Variants in MAN2A1 observed in about 807,000 individuals in gnomAD.
MAN2A1 encodes mannosidase alpha class 2A member 1, also known as alpha-mannosidase 2.
MAN2A1 carries 76 observed loss-of-function variants against 142.6 expected under a neutral mutation model. That is an observed-to-expected ratio of 0.53 (90% confidence interval 0.44 to 0.65). The LOEUF (loss-of-function observed/expected upper bound fraction) is 0.65. Ranked by LOEUF, MAN2A1 falls within the 30% of genes least tolerant of loss-of-function variation. The probability of loss-of-function intolerance (pLI) is 0.00; values close to 1 mark genes in which losing one functional copy is unlikely to be tolerated. For missense variants in MAN2A1, 1,311 were observed against 1,365.1 expected (o/e 0.96, Z 0.62); for synonymous variants, 559 against 473.2 (o/e 1.18, Z -2.35).
At chr5:109,820,703 G>T (rs1754600693) in intron 15 of MAN2A1, among the ~76,000 whole-genome samples, 1 of 152,176 alleles carries the variant, frequency 6.6e-6, no homozygotes, top group Non-Finnish European at 1.5e-5. Context: ...TACTCAGGAA[G>T]GCTGAGGTGG....
At chr5:109,803,654 A>G (rs1441427933) in intron 12 of MAN2A1, among the ~76,000 whole-genome samples, 1 of 152,102 alleles carries the variant, frequency 6.6e-6, no homozygotes, top group Non-Finnish European at 1.5e-5. Flanking sequence ...ATAAAGGATT[A>G]TAATAATTTC....
chr5:109,820,815 T>C (rs1323114225), intron 15 of MAN2A1, among the ~76,000 whole-genome samples: 1 of 152,120 alleles, frequency 6.6e-6, no homozygotes, highest in Non-Finnish European at 1.5e-5. Flanking sequence ...TAAATAGTTT[T>C]TTAGAGTTGG....
chr5:109,803,193 T>C (rs1434814854), intron 12 of MAN2A1, among the ~76,000 whole-genome samples: 1 of 152,074 alleles, frequency 6.6e-6, no homozygotes, highest in Non-Finnish European at 1.5e-5. Context: ...AAAATTCTTT[T>C]AGATTTTATT....
At chr5:109,785,153 T>A (rs141020027) in intron 10 of MAN2A1, among the ~76,000 whole-genome samples, 6 of 152,028 alleles carry the variant, frequency 3.9e-5, no homozygotes, top group Non-Finnish European at 8.8e-5. Flanking sequence ...GCAAATAGGG[T>A]AGTAAAATAT....
intron 5 of MAN2A1, among the ~76,000 whole-genome samples, chr5:109,766,343 A>G (rs1347840517): frequency 6.6e-6 from 1 of 152,172 alleles, no homozygotes; most frequent in Admixed American, 6.6e-5. Flanking sequence ...ATAGAGTTCA[A>G]TATTTCTTTT....
intron 3 of MAN2A1, among the ~76,000 whole-genome samples, chr5:109,720,160 G>T (rs889628570): frequency 1.3e-5 from 2 of 152,178 alleles, no homozygotes; most frequent in African/African-American, 4.8e-5. Flanking sequence ...AGTGTGTGGA[G>T]AGAAGATAAG....
intron 1 of MAN2A1, among the ~76,000 whole-genome samples, chr5:109,709,056 A>T (rs956123414): frequency 1.3e-5 from 2 of 152,176 alleles, no homozygotes; most frequent in Admixed American, 1.3e-4. Flanking sequence ...CCCAGTGCCT[A>T]CTGAAGCCCT....
intron 4 of MAN2A1, among the ~76,000 whole-genome samples, chr5:109,734,364 A>G (rs1249906094): frequency 2.1e-5 from 3 of 144,818 alleles, no homozygotes; most frequent in Admixed American, 7.0e-5. Flanking sequence ...TTGTGTCTCT[A>G]TCTCCTTCAG....
intron 5 of MAN2A1, among the ~76,000 whole-genome samples, chr5:109,763,576 A>G (rs1582872975): frequency 6.6e-6 from 1 of 151,808 alleles, no homozygotes; most frequent in East Asian, 1.9e-4. Flanking sequence ...TGTGCAGGTT[A>G]GTTACATATG....
intron 4 of MAN2A1, among the ~76,000 whole-genome samples, chr5:109,752,846 G>C (rs1561493818): frequency 6.6e-6 from 1 of 152,186 alleles, no homozygotes; most frequent in African/African-American, 2.4e-5. Flanking sequence ...CAGGCATCAT[G>C]GAGGAGAAAT....
intron 4 of MAN2A1, among the ~76,000 whole-genome samples, chr5:109,746,328 T>C (rs913366375): frequency 6.6e-6 from 1 of 152,088 alleles, no homozygotes; most frequent in Admixed American, 6.6e-5. Flanking sequence ...CATTTATAGT[T>C]CAGAAAAAAA....
chr5:109,849,668 C>G (rs1755431497), intron 19 of MAN2A1, among the ~76,000 whole-genome samples: 1 of 152,110 alleles, frequency 6.6e-6, no homozygotes, highest in South Asian at 2.1e-4. Context: ...TCTCTTTCTG[C>G]CGTATGTCTG....
intron 16 of MAN2A1, among the ~76,000 whole-genome samples, chr5:109,832,161 C>CTT (rs70999945): frequency 1.3e-3 from 65 of 51,216 alleles, no homozygotes; most frequent in East Asian, 3.2e-3. Context: ...AAGGAGTTTT[C>CTT]TTTTTTTTTT....
chr5:109,737,205 C>T (rs1411814764), intron 4 of MAN2A1, among the ~76,000 whole-genome samples: 2 of 150,378 alleles, frequency 1.3e-5, no homozygotes, highest in African/African-American at 2.5e-5. Context: ...CGGTTCTCCT[C>T]CTTCAGTCTC....
At chr5:109,755,560 T>G in intron 5 of MAN2A1, 104 bp downstream of exon 5, 1 of 839,640 alleles carries the variant, frequency 1.2e-6, no homozygotes, top group Non-Finnish European at 1.9e-6. Context: ...TCCCTGTTAG[T>G]CATTATTGTT....
chr5:109,690,849 G>C (rs1418676150), intron 1 of MAN2A1, among the ~76,000 whole-genome samples: 1 of 152,134 alleles, frequency 6.6e-6, no homozygotes, highest in Non-Finnish European at 1.5e-5. Context: ...TCGGGCACCT[G>C]CTGGCGGGGG....
At chr5:109,728,844 A>G (rs964792393) in intron 3 of MAN2A1, among the ~76,000 whole-genome samples, 2 of 152,182 alleles carry the variant, frequency 1.3e-5, no homozygotes, top group African/African-American at 4.8e-5. Flanking sequence ...TGGTCTGCTG[A>G]AAGCTTTTAG....
intron 10 of MAN2A1, among the ~76,000 whole-genome samples, chr5:109,788,474 A>G (rs1753650547): frequency 6.6e-6 from 1 of 151,884 alleles, no homozygotes; most frequent in Non-Finnish European, 1.5e-5. Context: ...TAAACAAAAC[A>G]TCTATTTTAA....
chr5:109,813,721 A>T (rs1294315468), intron 12 of MAN2A1, among the ~76,000 whole-genome samples: 1 of 152,256 alleles, frequency 6.6e-6, no homozygotes, highest in Non-Finnish European at 1.5e-5. Context: ...AAAATTCAGT[A>T]TTCCATAGTT....
Sources: gnomAD v4.1 joint callset for allele counts (sites outside exome capture counted in the v4.1 genomes callset) on GRCh38, gnomAD v4.1.1 for gene constraint, MANE v1.5 for transcripts, NCBI Gene and HGNC (gene_info 2026-07-23, HGNC 2026-07-21) for gene names.